The following EIF4G2 variants were observed in gnomAD, a reference collection of about 807,000 sequenced individuals.
The protein encoded by EIF4G2 is DAP-5.
EIF4G2 carries 8 observed loss-of-function variants against 117.7 expected under a neutral mutation model. The ratio of observed to expected loss-of-function variants is 0.07; its 90% confidence interval spans 0.04 to 0.12. The LOEUF (loss-of-function observed/expected upper bound fraction) is 0.12. Ranked by LOEUF, EIF4G2 falls within the 10% of genes least tolerant of loss-of-function variation. The pLI is 1.00. For synonymous variants in EIF4G2, 413 were observed against 367.8 expected, an observed-to-expected ratio of 1.12 and a Z score of -1.41; for missense variants, 812 against 1,086.2, an observed-to-expected ratio of 0.75 and a Z score of 3.55.
Position 10,799,750 on chromosome 11 carries a change from T to C in EIF4G2, c.2126A>G (p.Asp709Gly), listed in dbSNP as rs1310325818. 6.2e-7 allele frequency: 1 copy of C among 1,611,888 alleles called. No individual in the cohort carries two copies. Among genetic ancestry groups the C allele is most frequent in the Non-Finnish European group, 8.5e-7 (1 of 1,179,554 alleles). ...CTCCAACATGCGGTCCTTATTCTGA[T>C]CAATTTCTGAAGAGACAAAGCCACC... Residue 709 changes from aspartate to glycine, a missense_variant, in exon 19 of 22, where the codon GAT becomes GGT. Physicochemically the swap from Asp to Gly is moderately conservative, Grantham distance 94 (BLOSUM62 -1). Transcript: ENST00000339995.
intron 5 of EIF4G2, 177 bp downstream of exon 5, chr11:10,804,736 A>C: frequency 3.2e-6 from 2 of 620,456 alleles, no homozygotes; most frequent in South Asian, 4.3e-5. Context: ...TTACCTCTTC[A>C]ATCTAATGCT....
In EIF4G2 at chr11:10,802,156, T is replaced by C; in HGVS notation, c.1192A>G (p.Met398Val). The C allele has an allele frequency of 1.9e-6, 3 of 1,613,882 alleles. No individual in the cohort carries two copies. The highest frequency in any genetic ancestry group is 2.5e-6 in the Non-Finnish European group (3 of 1,179,980). ...AGTTGATTTGAACGATGACGTCCCA[T>C]GGTGGGTGAAAATCTATCCTGGATA... Residue 398 changes from methionine (M) to valine (V), a missense_variant, in exon 13 of 22, where the codon ATG (methionine) becomes GTG (valine). Met to Val is a conservative substitution (Grantham distance 21). Coordinates refer to ENST00000339995, the MANE Select transcript of EIF4G2 (RefSeq NM_001418.4).
At position 10,799,238 on chromosome 11, in the gene EIF4G2, G is replaced by C; in HGVS notation, c.2511C>G (p.His837Gln). The change falls in exon 20 of 22, where the codon CAC becomes CAG. Residue 837 changes from histidine (H) to glutamine (Q), a missense_variant. This residue lies in a region of EIF4G2 where 571 missense variants were observed against 642.3 expected (regional missense o/e 0.89). Coordinates refer to ENST00000339995, the MANE Select transcript of EIF4G2 (RefSeq NM_001418.4). The stretch of plus-strand genomic sequence containing the variant: ...CTTTTGGGAAGTTGCTGTTATAGCA[G>C]TGCACCTGGAGAGCATACAGGGCAC... The C allele has an allele frequency of 1.2e-6, 2 of 1,614,136 alleles. No homozygotes were observed. The highest frequency in any genetic ancestry group is 4.5e-5 in the East Asian group (2 of 44,876).
At position 10,802,088 on chromosome 11, in the gene EIF4G2, C is replaced by A. The variant is rs111302442; in HGVS notation, c.1260G>T (p.Ser420=). 1 of 1,048,876 alleles carries A rather than the reference C, an allele frequency of 9.5e-7. No homozygotes were observed. Among genetic ancestry groups the A allele is most frequent in the African/African-American group, 4.2e-5 (1 of 23,874 alleles). The allele number at this position is 1,048,876 out of a possible 1,614,324, so 65.0% of individuals were successfully genotyped here. A position where few individuals can be genotyped will look rare whatever the true frequency, so the allele number is the denominator to read the frequency against. The change falls in exon 13 of 22, where the codon TCG becomes TCT. Residue 420 remains serine (S), a synonymous_variant. Transcript: ENST00000339995. ...ACTTGCCTCCCATCTCTCCAAACTGCGATTGTGTGGGAGGCATGATGTGTC... is the reference window on the plus strand; with the variant it reads ...ACTTGCCTCCCATCTCTCCAAACTGAGATTGTGTGGGAGGCATGATGTGTC...
At chr11:10,802,964 G>A in intron 11 of EIF4G2, 66 bp downstream of exon 11, 5 of 1,453,770 alleles carry the variant, frequency 3.4e-6, no homozygotes, top group Admixed American at 3.8e-5. Flanking sequence ...GGTGGGTGAG[G>A]AGGAAACCCA....
At chr11:10,805,499 G>T (rs774517576) in intron 4 of EIF4G2, among the ~76,000 whole-genome samples, 6 of 151,724 alleles carry the variant, frequency 4.0e-5, no homozygotes, top group Non-Finnish European at 8.8e-5. Flanking sequence ...CACCCAGGCT[G>T]GAGTGCAGTG....
intron 1 of EIF4G2, chr11:10,807,611 C>A: frequency 2.7e-6 from 3 of 1,131,256 alleles, no homozygotes; most frequent in Non-Finnish European, 3.2e-6. Flanking sequence ...GCATTTTAAA[C>A]GGCTCAGAAC....
intron 3 of EIF4G2, 170 bp downstream of exon 3, chr11:10,806,650 T>A: frequency 9.5e-6 from 6 of 634,258 alleles, no homozygotes; most frequent in Non-Finnish European, 1.1e-5. Flanking sequence ...CTTAGAAAAT[T>A]TGGCTAAGGA....
chr11:10,800,044 G>C, intron 18 of EIF4G2, 46 bp downstream of exon 18: 6 of 1,584,044 alleles, frequency 3.8e-6, no homozygotes, highest in Non-Finnish European at 5.1e-6. Flanking sequence ...GAAATCTCTA[G>C]ATATAATATT....
Position 10,802,190 on chromosome 11 carries a change from A to C in EIF4G2, c.1158T>G (p.Gly386=). 1.9e-6 allele frequency: 3 copies of C among 1,614,178 alleles called. No homozygotes were observed. The highest frequency in any genetic ancestry group is 2.5e-6 in the Non-Finnish European group (3 of 1,180,018). ...AAAATCTATCCTGGATAACTCCTGG[A>C]CCAGTACCAATTCCGCTACCTTAAA... Residue 386 remains glycine (G), a synonymous_variant, in exon 13 of 22, where the codon GGT becomes GGG. Coordinates refer to ENST00000339995, the MANE Select transcript of EIF4G2 (RefSeq NM_001418.4).
intron 1 of EIF4G2, 179 bp downstream of exon 1, chr11:10,808,526 G>A (rs765357702): frequency 2.5e-6 from 3 of 1,195,622 alleles, no homozygotes; most frequent in South Asian, 2.8e-5. Context: ...GTCAGCAACA[G>A]GAAGAGAGAA....
rs941578309 is a variant in EIF4G2, at chr11:10,804,840, G to A, written c.351+73C>T. 2.3e-6 allele frequency: 3 copies of A among 1,300,850 alleles called. No individual in the cohort carries two copies. In the African/African-American group the frequency reaches 4.4e-5, roughly 19 times the overall value. 80.6% of individuals were successfully genotyped at this position (1,300,850 alleles called of 1,614,324 possible). On this transcript the variant is annotated intron_variant, in intron 5 of 21. Coordinates refer to ENST00000339995, the MANE Select transcript of EIF4G2 (RefSeq NM_001418.4). ...AAGGGTTTTAAGTAGTAATCCAAGTGTAAAAAAACACAACTTGAGTTTGTT... is the reference window on the plus strand; with the variant it reads ...AAGGGTTTTAAGTAGTAATCCAAGTATAAAAAAACACAACTTGAGTTTGTT...
chr11:10,807,127 T>C, intron 2 of EIF4G2, 128 bp downstream of exon 2: 1 of 1,383,486 alleles, frequency 7.2e-7, no homozygotes, highest in Non-Finnish European at 9.9e-7. Flanking sequence ...CTTAGAAGGC[T>C]GTCAATGAAA....
At chr11:10,801,596 A>C in intron 14 of EIF4G2, 65 bp downstream of exon 14, 2 of 1,414,588 alleles carry the variant, frequency 1.4e-6, no homozygotes, top group Non-Finnish European at 2.0e-6. Context: ...GTCTTTTTAT[A>C]ATCATCGGGC....
At chr11:10,807,634 A>C in intron 1 of EIF4G2, 2 of 1,085,578 alleles carry the variant, frequency 1.8e-6, no homozygotes, top group Non-Finnish European at 2.2e-6. Flanking sequence ...ATCTTTTGAA[A>C]AAGCCACATT....
chr11:10,799,996 C>CA (rs1313465795), intron 18 of EIF4G2, 94 bp downstream of exon 18: 138 of 1,392,140 alleles, frequency 9.9e-5, no homozygotes, highest in Non-Finnish European at 1.3e-4. Context: ...GCAGGACAAT[C>CA]AGACTGTCTG....
At position 10,797,131 on chromosome 11, in the gene EIF4G2, CTT is replaced by C. The variant is rs1049946449; in HGVS notation, c.*683_*684del. Reference sequence around the variant, plus strand: ...AACATGACTTGATAAATTAAGTAGACTTAATTTCAATACTATAATAGGAGGGA... The same window carrying C: ...AACATGACTTGATAAATTAAGTAGACAATTTCAATACTATAATAGGAGGGA... On this transcript the variant is annotated 3_prime_UTR_variant, in exon 22 of 22. Coordinates refer to ENST00000339995, the MANE Select transcript of EIF4G2 (RefSeq NM_001418.4). This position sits in a 1 kb window ranked among gnomAD's most constrained non-coding sequence, Gnocchi z 4.5. The C allele has an allele frequency of 2.6e-5, 4 of 152,540 alleles. No homozygotes were observed. Among genetic ancestry groups the C allele is most frequent in the South Asian group, 2.1e-4 (1 of 4,816 alleles). The allele number at this position is 152,540 out of a possible 1,614,324, so 9.4% of individuals were successfully genotyped here.
In EIF4G2 at chr11:10,799,433, A is replaced by G. The variant is rs1230711169; in HGVS notation, c.2325-9T>C. On this transcript the variant is annotated splice_polypyrimidine_tract_variant and intron_variant, in intron 19 of 21. Coordinates refer to ENST00000339995, the MANE Select transcript of EIF4G2 (RefSeq NM_001418.4). ...AAATGTACTGTAAGAAGCTGGACAG[A>G]AAGAGGTCTTGTTAGAACCCAACAG... The G allele has an allele frequency of 2.5e-6, 4 of 1,604,586 alleles. No individual in the cohort carries two copies. In the African/African-American group the frequency reaches 5.4e-5, roughly 22 times the overall value.
Position 10,803,014 on chromosome 11 carries a change from C to CAAAA in EIF4G2, c.996+12_996+15dup. On this transcript the variant is annotated intron_variant, in intron 11 of 21. Coordinates refer to ENST00000339995, the MANE Select transcript of EIF4G2 (RefSeq NM_001418.4). The surrounding 1 kb of genome is among the most constrained non-coding windows in gnomAD (Gnocchi z 4.0). ...CACAGAGTCTATGTGACAAACAAAA[C>CAAAA]AAAACCCAATCTTACTTTTACTGCA... 1.2e-6 allele frequency: 2 copies of CAAAA among 1,604,060 alleles called. No individual in the cohort carries two copies. The highest frequency in any genetic ancestry group is 1.7e-6 in the Non-Finnish European group (2 of 1,175,226).
Sources: allele counts gnomAD v4.1 joint callset (sites outside exome capture counted in the v4.1 genomes callset), GRCh38; gene constraint gnomAD v4.1.1; regional missense constraint gnomAD v4.1.1; non-coding constraint Gnocchi (gnomAD v3.1); transcripts MANE v1.5; gene names NCBI Gene and HGNC (gene_info 2026-07-23, HGNC 2026-07-21).